PDE5A: variants seen among roughly 807,000 people sequenced by gnomAD.
PDE5A encodes cGMP-specific 3',5'-cyclic phosphodiesterase.
Under a neutral mutation model 110.2 loss-of-function variants are expected in PDE5A, and 67 were observed. The ratio of observed to expected loss-of-function variants is 0.61; its 90% CI spans 0.50 to 0.75. The LOEUF (loss-of-function observed/expected upper bound fraction) is 0.75. PDE5A is among the 30% of genes least tolerant of loss of function. PDE5A has a pLI of 0.00. For missense variants in PDE5A, 862 were observed against 1,045.1 expected, an observed-to-expected ratio of 0.82 and a Z score of 2.42; for synonymous variants, 328 against 351.2, an observed-to-expected ratio of 0.93 and a Z score of 0.74.
intron 3 of PDE5A, among the ~76,000 whole-genome samples, chr4:119,589,169 A>G (rs1728874686): frequency 6.6e-6 from 1 of 152,172 alleles, no homozygotes; most frequent in African/African-American, 2.4e-5. Flanking sequence ...CAGAGAATTC[A>G]GAGAAATTTC....
At chr4:119,532,350 T>C (rs1221675603) in intron 11 of PDE5A, among the ~76,000 whole-genome samples, 3 of 152,120 alleles carry the variant, frequency 2.0e-5, no homozygotes, top group Non-Finnish European at 4.4e-5. Flanking sequence ...GAAGGAAGTA[T>C]GTTAGTAGCT....
chr4:119,571,790 T>A (rs963664225), intron 3 of PDE5A, among the ~76,000 whole-genome samples: 3 of 152,230 alleles, frequency 2.0e-5, no homozygotes, highest in Non-Finnish European at 4.4e-5. Context: ...TGTTTCACTA[T>A]GTAAATCCTC....
rs745794935 is a variant in PDE5A, at chr4:119,505,874, G to A, written c.2248C>T (p.His750Tyr). Reference sequence around the variant, plus strand: ...ACTTACAAAAACAACTCCTTTTGATGAGGATCTTCCAAATTGAATTGATTT... The same window carrying A: ...ACTTACAAAAACAACTCCTTTTGATAAGGATCTTCCAAATTGAATTGATTT... ...RKNQFNLEDP[H>Y]QKELFLAMLM... is the part of the protein sequence containing the mutation. The change falls in exon 17 of 21, where the codon CAT (histidine) becomes TAT (tyrosine). Residue 750 changes from histidine (H) to tyrosine (Y), a missense_variant. Coordinates refer to ENST00000354960, the MANE Select transcript of PDE5A (RefSeq NM_001083.4). 10 of 1,568,692 alleles carry A rather than the reference G, an allele frequency of 6.4e-6. No homozygotes were observed. Among genetic ancestry groups the A allele is most frequent in the Non-Finnish European group, 7.8e-6 (9 of 1,156,512 alleles).
At position 119,592,413 on chromosome 4, in the gene PDE5A, G is replaced by A. The variant is rs538765023; in HGVS notation, c.831+4110C>T. Among the ~76,000 whole-genome samples the A allele has an allele frequency of 4.5e-3, 568 of 126,402 alleles. 9 individuals carry two copies. The highest frequency in any genetic ancestry group is 4.1e-3 in the Non-Finnish European group (260 of 63,810). 82.9% of individuals were successfully genotyped at this position (126,402 alleles called of 152,430 possible). A position where few individuals can be genotyped will look rare whatever the true frequency, so the allele number is the denominator to read the frequency against. ...GCGGAGGCTGCAGTGAGCCGAGATCGCACCACTGCACTCCAGCCTGGGTGA... is the reference window on the plus strand; with the variant it reads ...GCGGAGGCTGCAGTGAGCCGAGATCACACCACTGCACTCCAGCCTGGGTGA... On this transcript the variant is annotated intron_variant, in intron 3 of 20. Transcript: ENST00000354960.
At chr4:119,528,064 T>A (rs1293064222) in intron 11 of PDE5A, among the ~76,000 whole-genome samples, 2 of 148,248 alleles carry the variant, frequency 1.3e-5, no homozygotes, top group Admixed American at 6.8e-5. Flanking sequence ...AAAAAAAAAA[T>A]AAAAAAACAA....
chr4:119,553,787 A>C lies in PDE5A; in HGVS notation c.1200-41T>G, dbSNP rs766016475. On this transcript the variant is annotated intron_variant, in intron 7 of 20. Transcript: ENST00000354960. ...ATATGAGTTCCCTCTGTGCAGTTAA[A>C]AAAAAGCATGGGCAAACAGTTAAAT... The C allele has an allele frequency of 9.4e-4, 943 of 1,006,700 alleles. 4 individuals are homozygous for C. Among genetic ancestry groups the C allele is most frequent in the Non-Finnish European group, 1.4e-3 (914 of 640,528 alleles). The allele number at this position is 1,006,700 out of a possible 1,614,324, so 62.4% of individuals were successfully genotyped here. A position where few individuals can be genotyped will look rare whatever the true frequency, so the allele number is the denominator to read the frequency against.
chr4:119,498,580 A>T lies in PDE5A; in HGVS notation c.*21T>A. 1 of 1,613,516 alleles carries T rather than the reference A, an allele frequency of 6.2e-7. No homozygotes were observed. The highest frequency in any genetic ancestry group is 8.5e-7 in the Non-Finnish European group (1 of 1,179,662). ...GAACACACCATCTCTGTAAACTTCA[A>T]CTCTGCATGAAATAGGCCACTCAGT... On this transcript the variant is annotated 3_prime_UTR_variant, in exon 21 of 21. Coordinates refer to ENST00000354960, the MANE Select transcript of PDE5A (RefSeq NM_001083.4).
In PDE5A at chr4:119,544,217, G is replaced by A. The variant is rs113329387; in HGVS notation, c.1397-1583C>T. On this transcript the variant is annotated intron_variant, in intron 9 of 20. Coordinates refer to ENST00000354960, the MANE Select transcript of PDE5A (RefSeq NM_001083.4). ...TTACTTTTCATACTATAAATGATCT[G>A]GACTCTCCTTTTTGCTCTTTTTGTT... Among the ~76,000 whole-genome samples the A allele has an allele frequency of 5.8e-3, 875 of 152,120 alleles. 13 individuals carry two copies. Among genetic ancestry groups the A allele is most frequent in the African/African-American group, 0.019 (803 of 41,496 alleles).
rs1729667602 is a variant in PDE5A, at chr4:119,609,467, A to ATTT, written c.153-2171_153-2170insAAA. On this transcript the variant is annotated intron_variant, in intron 1 of 20. Transcript: ENST00000354960. ...ATGTAAAAGAGTTTGAAAAGAACAC[A>ATTT]CTGTCTTATTTCTGAGTCTTTACTA... 2.0e-5 allele frequency among the ~76,000 whole-genome samples: 3 copies of ATTT among 152,270 alleles called. No homozygotes were observed. The East Asian group carries it at 5.8e-4, about 29-fold the overall frequency.
intron 16 of PDE5A, among the ~76,000 whole-genome samples, chr4:119,506,325 TA>T (rs1408298747): frequency 2.0e-5 from 3 of 151,774 alleles, no homozygotes; most frequent in Non-Finnish European, 4.4e-5. Flanking sequence ...TGGTAGGGGA[TA>T]AAAATATCTA....
At chr4:119,581,495 A>G (rs1728588653) in intron 3 of PDE5A, among the ~76,000 whole-genome samples, 9 of 152,220 alleles carry the variant, frequency 5.9e-5, no homozygotes, top group Admixed American at 5.2e-4. Flanking sequence ...CATATGGAGA[A>G]CATAGTTTAT....
chr4:119,590,503 C>T (rs774049955), intron 3 of PDE5A, among the ~76,000 whole-genome samples: 5 of 152,114 alleles, frequency 3.3e-5, no homozygotes, highest in Non-Finnish European at 7.4e-5. Flanking sequence ...TCTTTTTCCA[C>T]TTTGCCCATT....
chr4:119,511,210 T>C, intron 14 of PDE5A, 76 bp from the exon 15 acceptor site: 1 of 853,572 alleles, frequency 1.2e-6, no homozygotes, highest in South Asian at 1.6e-5. Flanking sequence ...TTTTTATTAC[T>C]GTTTAACTAC....
intron 3 of PDE5A, among the ~76,000 whole-genome samples, chr4:119,577,490 G>A (rs1220890316): frequency 6.6e-6 from 1 of 152,130 alleles, no homozygotes; most frequent in Non-Finnish European, 1.5e-5. Flanking sequence ...TATCCACCAT[G>A]ATCAAGTGGG....
At chr4:119,523,961 T>C (rs1259794474) in intron 12 of PDE5A, among the ~76,000 whole-genome samples, 1 of 152,040 alleles carries the variant, frequency 6.6e-6, no homozygotes, top group Non-Finnish European at 1.5e-5. Context: ...ATCTCATCAA[T>C]AGATACGGCT....
chr4:119,574,368 G>C lies in PDE5A; in HGVS notation c.832-7224C>G, dbSNP rs555941695. 2.2e-3 allele frequency among the ~76,000 whole-genome samples: 132 copies of C among 60,872 alleles called. 1 individual carries two copies. The Middle Eastern group carries it at 0.022, about 10-fold the overall frequency. The allele number at this position is 60,872 out of a possible 152,430, so 39.9% of individuals were successfully genotyped here. A position where few individuals can be genotyped will look rare whatever the true frequency, so the allele number is the denominator to read the frequency against. On this transcript the variant is annotated intron_variant, in intron 3 of 20. Coordinates refer to ENST00000354960, the MANE Select transcript of PDE5A (RefSeq NM_001083.4). ...CCGGCTAATTTTTGTATTTTTAGTA[G>C]AGACGGGTTTCACCATGTTGGTTAG... is the stretch of plus-strand genomic sequence containing the variant.
chr4:119,562,175 C>G (rs1727766242), intron 6 of PDE5A, among the ~76,000 whole-genome samples: 2 of 152,220 alleles, frequency 1.3e-5, no homozygotes, highest in South Asian at 2.1e-4. Flanking sequence ...GGCCCTGATT[C>G]TACTGGCAAA....
chr4:119,592,456 TAAAA>T (rs55997249), intron 3 of PDE5A, among the ~76,000 whole-genome samples: 841 of 66,118 alleles, frequency 0.013, 23 homozygotes, highest in African/African-American at 0.052. Context: ...AGACTCTGTT[TAAAA>T]AAAAAAAAAA....
At chr4:119,513,803 C>G (rs1725824257) in intron 14 of PDE5A, among the ~76,000 whole-genome samples, 1 of 152,182 alleles carries the variant, frequency 6.6e-6, no homozygotes, top group South Asian at 2.1e-4. Context: ...GTTAGAACTT[C>G]AAACACACAT....
Sources: gnomAD v4.1 joint callset for allele counts (sites outside exome capture counted in the v4.1 genomes callset) on GRCh38, gnomAD v4.1.1 for gene constraint, MANE v1.5 for transcripts, NCBI Gene and HGNC (gene_info 2026-07-23, HGNC 2026-07-21) for gene names.